The following MMP26 variants were observed in gnomAD, a reference collection of about 807,000 sequenced individuals.
MMP26 encodes the protein matrix metallopeptidase 26.
A neutral mutation model predicts 31.0 loss-of-function variants in MMP26; 33 were observed. The ratio of observed to expected loss-of-function variants is 1.06; its 90% CI spans 0.81 to 1.42. The LOEUF is 1.42. Ranked by LOEUF, MMP26 falls within the 40% of genes most tolerant of loss-of-function variation. MMP26 has a pLI of 0.00. For missense variants in MMP26, 347 were observed against 316.1 expected (o/e 1.10, Z -0.74); for synonymous variants, 122 against 114.9 (o/e 1.06, Z -0.40).
At chr11:4,737,493 A>T (rs1848256260) in intron 1 of MMP26, among the ~76,000 whole-genome samples, 1 of 152,200 alleles carries the variant, frequency 6.6e-6, no homozygotes, top group Admixed American at 6.5e-5. Flanking sequence ...AAAATACAAA[A>T]TTAGCCTGGC....
At chr11:4,826,281 C>T (rs190981506) in intron 2 of MMP26, among the ~76,000 whole-genome samples, 2 of 152,036 alleles carry the variant, frequency 1.3e-5, no homozygotes, top group African/African-American at 2.4e-5. Flanking sequence ...GAGTATAATG[C>T]GTTTCCATGT....
intron 2 of MMP26, chr11:4,973,299 C>G (rs1366143209): frequency 6.5e-6 from 1 of 153,516 alleles, no homozygotes; most frequent in Non-Finnish European, 1.5e-5. Flanking sequence ...ATGATGTTGA[C>G]CTTGTTGTCA....
intron 2 of MMP26, among the ~76,000 whole-genome samples, chr11:4,906,210 G>GT (rs1207185709): frequency 6.6e-6 from 1 of 152,110 alleles, no homozygotes; most frequent in East Asian, 1.9e-4. Context: ...TAACTCCAAA[G>GT]TACTTATCCA....
intron 2 of MMP26, among the ~76,000 whole-genome samples, chr11:4,834,354 T>C (rs1162925919): frequency 6.6e-6 from 1 of 152,134 alleles, no homozygotes; most frequent in Admixed American, 6.5e-5. Context: ...TAGTCTCACC[T>C]CTCACTTTAT....
chr11:4,722,075 C>T (rs1472418509), intron 1 of MMP26, among the ~76,000 whole-genome samples: 1 of 152,208 alleles, frequency 6.6e-6, no homozygotes, highest in Non-Finnish European at 1.5e-5. Context: ...TGATTGAAAG[C>T]TTCCTGAGGC....
chr11:4,803,601 A>T (rs1226248443), intron 2 of MMP26: 2 of 1,614,102 alleles, frequency 1.2e-6, no homozygotes, highest in East Asian at 4.5e-5. Context: ...TGAGGAAAGA[A>T]AAAAGGGCTG....
chr11:4,804,067 AAC>A, intron 2 of MMP26: 1 of 1,614,060 alleles, frequency 6.2e-7, no homozygotes, highest in Non-Finnish European at 8.5e-7. Context: ...ATGGATGAAG[AAC>A]ACCTGGATGA....
chr11:4,798,470 G>C (rs1342340069), intron 2 of MMP26, among the ~76,000 whole-genome samples: 1 of 152,216 alleles, frequency 6.6e-6, no homozygotes, highest in African/African-American at 2.4e-5. Flanking sequence ...AAAATGCAAA[G>C]TATTGAAAGT....
At chr11:4,913,973 TACA>T (rs1250871355) in intron 2 of MMP26, 4 of 152,226 alleles carry the variant, frequency 2.6e-5, no homozygotes, top group African/African-American at 9.6e-5. Context: ...CTTTGAAGAA[TACA>T]ATTAACATGT....
chr11:4,739,918 G>T (rs924382719), intron 1 of MMP26, among the ~76,000 whole-genome samples: 1 of 152,050 alleles, frequency 6.6e-6, no homozygotes, highest in African/African-American at 2.4e-5. Flanking sequence ...CAATGTAATT[G>T]CAGTTAAAAA....
chr11:4,846,531 C>T (rs1447391407), intron 2 of MMP26, among the ~76,000 whole-genome samples: 3 of 152,012 alleles, frequency 2.0e-5, no homozygotes, highest in Admixed American at 6.6e-5. Context: ...CTTAATCACA[C>T]GTTTTAAGAT....
intron 1 of MMP26, chr11:4,752,422 T>C (rs1848457526): frequency 6.6e-6 from 1 of 151,204 alleles, no homozygotes; most frequent in Non-Finnish European, 1.5e-5. Flanking sequence ...CATGAGAGTT[T>C]CATCACATCA....
rs77570288 is a variant in MMP26 at position 4,828,456 on chromosome 11, A to G, written c.-145+61115A>G. Among the ~76,000 whole-genome samples the G allele has an allele frequency of 7.6e-3, 1,151 of 152,310 alleles. 21 individuals carry two copies. The highest frequency in any genetic ancestry group is 0.026 in the African/African-American group (1,064 of 41,570). On this transcript the variant is annotated intron_variant, in intron 2 of 7. Coordinates refer to ENST00000380390, the MANE Select transcript of MMP26 (RefSeq NM_021801.5). ...TTCATAATAGGTCATCAAGAAATAC[A>G]CATCAAATAAATGAATGATGATGGC... is the stretch of plus-strand genomic sequence containing the variant.
chr11:4,710,525 T>G, intron 1 of MMP26: 1 of 407,528 alleles, frequency 2.5e-6, no homozygotes, highest in East Asian at 7.2e-5. Flanking sequence ...GAAGTTTGAG[T>G]GTACTCCTTC....
chr11:4,708,328 C>T (rs1428524877), intron 1 of MMP26, among the ~76,000 whole-genome samples: 1 of 152,122 alleles, frequency 6.6e-6, no homozygotes, highest in East Asian at 1.9e-4. Flanking sequence ...AACATTTTTC[C>T]TTCTTCTCAA....
At chr11:4,706,393 C>G in intron 1 of MMP26, among the ~76,000 whole-genome samples, 1 of 150,282 alleles carries the variant, frequency 6.7e-6, no homozygotes, top group African/African-American at 2.5e-5. Flanking sequence ...AACCCCATCT[C>G]TACAAAAAAT....
rs533562438 is a variant in MMP26 at position 4,907,712 on chromosome 11, C to A, written c.-144-80356C>A. On this transcript the variant is annotated intron_variant, in intron 2 of 7. Transcript: ENST00000380390. ...ATTCACTGTCATGGAATCCTCAGTA[C>A]TTCTAATTATGTCTTTGGACCGCTT... 5.1e-5 allele frequency: 82 copies of A among 1,613,914 alleles called. No homozygotes were observed. The South Asian group carries it at 8.3e-4, about 16-fold the overall frequency.
intron 2 of MMP26, among the ~76,000 whole-genome samples, chr11:4,853,997 A>G (rs1391102343): frequency 6.6e-6 from 1 of 152,236 alleles, no homozygotes; most frequent in Non-Finnish European, 1.5e-5. Context: ...ACTAATACAC[A>G]TTAGAAAAAA....
intron 1 of MMP26, chr11:4,724,280 C>T (rs1035655909): frequency 8.3e-6 from 3 of 360,320 alleles, no homozygotes; most frequent in African/African-American, 6.3e-5. Flanking sequence ...TTTAAAACCC[C>T]AGGAAAAGCA....
Sources: gnomAD v4.1 joint callset for allele counts (sites outside exome capture counted in the v4.1 genomes callset) on GRCh38, gnomAD v4.1.1 for gene constraint, MANE v1.5 for transcripts, NCBI Gene and HGNC (gene_info 2026-07-23, HGNC 2026-07-21) for gene names.